CDC23: variants seen among roughly 807,000 people sequenced by gnomAD.
The protein encoded by CDC23 is cell division cycle protein 23 homolog.
In CDC23, 26 loss-of-function variants were observed where a neutral mutation model predicts 81.7. That is an observed-to-expected ratio of 0.32 (90% CI 0.23 to 0.44). CDC23 has a LOEUF of 0.44. Ranked by LOEUF, CDC23 falls within the 20% of genes least tolerant of loss-of-function variation. CDC23 has a pLI of 1.00. For missense variants in CDC23, 519 were observed against 728.0 expected, an observed-to-expected ratio of 0.71 and a Z score of 3.30; for synonymous variants, 267 against 270.8, an observed-to-expected ratio of 0.99 and a Z score of 0.14.
At chr5:138,200,888 G>C in intron 6 of CDC23, 1 of 534,766 alleles carries the variant, frequency 1.9e-6, no homozygotes, top group South Asian at 2.7e-5. Context: ...AAATATTCTA[G>C]TATAACTGGA....
chr5:138,194,003 A>G lies in CDC23; in HGVS notation c.1013-1346T>C, dbSNP rs113890242. 5.9e-5 allele frequency among the ~76,000 whole-genome samples: 9 copies of G among 152,268 alleles called. 1 individual carries two copies. The highest frequency in any genetic ancestry group is 2.2e-4 in the African/African-American group (9 of 41,556). ...GCGCTCTAAGTTTCCGTCTCACACA[A>G]GAATCAAAGCAGTTCTATTCTCATT... On this transcript the variant is annotated intron_variant, in intron 9 of 15. Coordinates refer to ENST00000394886, the MANE Select transcript of CDC23 (RefSeq NM_004661.4).
At chr5:138,193,777 G>A (rs1754852989) in intron 9 of CDC23, among the ~76,000 whole-genome samples, 1 of 151,726 alleles carries the variant, frequency 6.6e-6, no homozygotes, top group African/African-American at 2.4e-5. Flanking sequence ...TGACCAATAG[G>A]AAGAAACTCG....
chr5:138,213,147 C>T lies in CDC23; in HGVS notation c.161+5G>A. On this transcript the variant is annotated splice_donor_5th_base_variant and intron_variant, in intron 1 of 15. Transcript: ENST00000394886. ...GCCCCGTCCCTTCCCACTCCAACAT[C>T]TCACCATTTGCTACTGTGTAGTAGG... 4 of 1,614,166 alleles carry T rather than the reference C, an allele frequency of 2.5e-6. No individual in the cohort carries two copies. The highest frequency in any genetic ancestry group is 3.4e-6 in the Non-Finnish European group (4 of 1,180,034).
chr5:138,189,845 C>A lies in CDC23; in HGVS notation c.1486G>T (p.Asp496Tyr). The A allele has an allele frequency of 6.2e-7, 1 of 1,614,030 alleles. No homozygotes were observed. Among genetic ancestry groups the A allele is most frequent in the Non-Finnish European group, 8.5e-7 (1 of 1,179,976 alleles). ...ATACATACCCCACAGGAATAGATAT[C>A]TTGGATATATTTGATGTAACACTGG... ...AAQCYIKYIQDIYSCGEIVEH... is the reference protein window; with the variant it reads ...AAQCYIKYIQYIYSCGEIVEH... The change falls in exon 14 of 16, where the codon GAT (aspartate) becomes TAT (tyrosine). Residue 496 changes from aspartate (D) to tyrosine (Y), a missense_variant. By Grantham distance (160) the Asp-to-Tyr change is radical (BLOSUM62 -3). Coordinates refer to ENST00000394886, the MANE Select transcript of CDC23 (RefSeq NM_004661.4).
intron 9 of CDC23, among the ~76,000 whole-genome samples, chr5:138,197,953 GGTTTGTTTGTTT>G (rs569032125): frequency 6.6e-6 from 1 of 152,004 alleles, no homozygotes; most frequent in Non-Finnish European, 1.5e-5. Context: ...TTTGCTTGTT[GGTTTGTTTGTTT>G]GTTTGTTTAA....
intron 10 of CDC23, 32 bp downstream of exon 10, chr5:138,192,472 T>C: frequency 1.9e-6 from 3 of 1,613,136 alleles, no homozygotes; most frequent in Non-Finnish European, 2.5e-6. Flanking sequence ...ACCACAGCAA[T>C]CTGCTCTACC....
rs1270880911 is a variant in CDC23 at position 138,195,561 on chromosome 5, A to G, written c.1012+2638T>C. 7.3e-5 allele frequency among the ~76,000 whole-genome samples: 7 copies of G among 95,552 alleles called. 1 individual carries two copies. Among genetic ancestry groups the G allele is most frequent in the Admixed American group, 3.3e-4 (2 of 6,106 alleles). The allele number at this position is 95,552 out of a possible 152,430, so 62.7% of individuals were successfully genotyped here. ...ATTTATATATAATATAATTATATAT[A>G]ATATATTTATATATAATATATTATA... On this transcript the variant is annotated intron_variant, in intron 9 of 15. Coordinates refer to ENST00000394886, the MANE Select transcript of CDC23 (RefSeq NM_004661.4).
intron 9 of CDC23, among the ~76,000 whole-genome samples, chr5:138,194,430 C>T (rs1754860933): frequency 6.6e-6 from 1 of 152,086 alleles, no homozygotes; most frequent in Admixed American, 6.6e-5. Context: ...CAAAAAAAAG[C>T]TAACTGAAAG....
At position 138,198,237 on chromosome 5, in the gene CDC23, T is replaced by C; in HGVS notation, c.974A>G (p.Glu325Gly). Reference protein sequence around the residue: ...ELSYLAHNLCEIDKYRVETCC... With the variant: ...ELSYLAHNLCGIDKYRVETCC... ...CGTTTCTACACGATATTTATCAATC[T>C]CACAGAGGTTATGAGCCAGATAACT... is the stretch of plus-strand genomic sequence containing the variant. The change falls in exon 9 of 16, where the codon GAG (glutamate) becomes GGG (glycine). Residue 325 changes from glutamate to glycine, a missense_variant. By Grantham distance (98) the Glu-to-Gly change is moderately conservative. This residue lies in a region of CDC23 where 175 missense variants were observed against 337.8 expected (regional missense o/e 0.52). Transcript: ENST00000394886. The C allele has an allele frequency of 6.2e-7, 1 of 1,613,828 alleles. No individual in the cohort carries two copies. Among genetic ancestry groups the C allele is most frequent in the Non-Finnish European group, 8.5e-7 (1 of 1,179,734 alleles).
At chr5:138,203,907 C>T (rs1005158339) in intron 3 of CDC23, among the ~76,000 whole-genome samples, 1 of 151,368 alleles carries the variant, frequency 6.6e-6, no homozygotes, top group Admixed American at 6.6e-5. Context: ...AGCTAGACTC[C>T]ATCTCAAATA....
intron 6 of CDC23, among the ~76,000 whole-genome samples, chr5:138,200,110 G>T (rs867532761): frequency 7.2e-5 from 11 of 152,076 alleles, no homozygotes; most frequent in Admixed American, 2.6e-4. Flanking sequence ...CTCAGAAGAG[G>T]CCTGAACAAT....
intron 3 of CDC23, among the ~76,000 whole-genome samples, chr5:138,204,642 C>T (rs1755027250): frequency 2.4e-5 from 2 of 84,658 alleles, no homozygotes; most frequent in East Asian, 3.8e-4. Flanking sequence ...TTTTTGGAGA[C>T]GGAGTCTCAC....
chr5:138,194,420 C>T (rs368470045), intron 9 of CDC23, among the ~76,000 whole-genome samples: 24 of 151,462 alleles, frequency 1.6e-4, no homozygotes, highest in African/African-American at 4.8e-4. Flanking sequence ...GACCGTGTCT[C>T]AAAAAAAAGC....
In CDC23 at chr5:138,198,187, G is replaced by A; in HGVS notation, c.1012+12C>T. ...TATAAATCTTAAAAGAAAAAATGTA[G>A]TTAATTCTTACCAATTACACAGCAC... is the stretch of plus-strand genomic sequence containing the variant. On this transcript the variant is annotated intron_variant, in intron 9 of 15. Coordinates refer to ENST00000394886, the MANE Select transcript of CDC23 (RefSeq NM_004661.4). 3 of 1,575,454 alleles carry A rather than the reference G, an allele frequency of 1.9e-6. No individual in the cohort carries two copies. Among genetic ancestry groups the A allele is most frequent in the Non-Finnish European group, 2.6e-6 (3 of 1,147,866 alleles).
intron 4 of CDC23, 62 bp downstream of exon 4, chr5:138,202,051 G>T: frequency 1.7e-6 from 2 of 1,150,600 alleles, no homozygotes; most frequent in Non-Finnish European, 2.6e-6. Flanking sequence ...CCTGGCTGTT[G>T]GAGGCATTTA....
chr5:138,198,862 A>G (rs1754949428), intron 6 of CDC23, 80 bp from the exon 7 acceptor site: 2 of 1,409,248 alleles, frequency 1.4e-6, no homozygotes, highest in Non-Finnish European at 1.9e-6. Context: ...TATCTTTATT[A>G]TCTAAAGGAA....
At chr5:138,211,897 GAC>G (rs1413597329) in intron 2 of CDC23, among the ~76,000 whole-genome samples, 1 of 152,142 alleles carries the variant, frequency 6.6e-6, no homozygotes, top group Non-Finnish European at 1.5e-5. Context: ...AAGCTAATGA[GAC>G]AAATATAAAC....
intron 13 of CDC23, among the ~76,000 whole-genome samples, chr5:138,190,374 C>A (rs1267575922): frequency 6.6e-6 from 1 of 150,932 alleles, no homozygotes; most frequent in Non-Finnish European, 1.5e-5. Flanking sequence ...AGGAGAATTG[C>A]TTTAACTTGG....
chr5:138,203,309 A>G (rs1480869737), intron 3 of CDC23, among the ~76,000 whole-genome samples: 1 of 152,208 alleles, frequency 6.6e-6, no homozygotes, highest in Non-Finnish European at 1.5e-5. Flanking sequence ...AATATATCAC[A>G]CTGGTGCAGG....
Sources: allele counts gnomAD v4.1 joint callset (sites outside exome capture counted in the v4.1 genomes callset), GRCh38; gene constraint gnomAD v4.1.1; regional missense constraint gnomAD v4.1.1; transcripts MANE v1.5; gene names NCBI Gene and HGNC (gene_info 2026-07-23, HGNC 2026-07-21).